SHC4: variants seen among roughly 807,000 people sequenced by gnomAD.
SHC4 encodes SHC adaptor protein 4, also known as SHC-transforming protein 4.
Under a neutral mutation model 69.4 loss-of-function variants are expected in SHC4, and 41 were observed. The ratio of observed to expected loss-of-function variants is 0.59; its 90% CI spans 0.46 to 0.77. The LOEUF is 0.77. Among genes scored for constraint, SHC4 ranks in the 30% least tolerant of loss-of-function variants. The pLI, the probability that SHC4 is intolerant of heterozygous loss-of-function variation, is 0.00. For missense variants in SHC4, 777 were observed against 783.8 expected (o/e 0.99, Z 0.10); for synonymous variants, 318 against 299.3 (o/e 1.06, Z -0.64).
intron 4 of SHC4, chr15:48,877,964 G>A: frequency 1.9e-6 from 1 of 523,856 alleles, no homozygotes; most frequent in Non-Finnish European, 3.3e-6. Context: ...TCGAATCGAT[G>A]GAAACGTAGC....
chr15:48,856,097 G>A lies in SHC4; in HGVS notation c.1098C>T (p.Ala366=), dbSNP rs370110466. 506 of 1,613,112 alleles carry A rather than the reference G, an allele frequency of 3.1e-4. 3 individuals carry two copies. The South Asian group carries it at 3.7e-3, about 12-fold the overall frequency. The part of the protein sequence containing the change: ...ESEEVHIDSH[A]EEREDHEYYN... ...AATATTCATGATCTTCTCTCTCCTCGGCATGGCTATCAATATGCACCTCCT... is the reference window on the plus strand; with the variant it reads ...AATATTCATGATCTTCTCTCTCCTCAGCATGGCTATCAATATGCACCTCCT... The change falls in exon 8 of 12, where the codon GCC becomes GCT. Residue 366 remains alanine, a synonymous_variant. Coordinates refer to ENST00000332408, the MANE Select transcript of SHC4 (RefSeq NM_203349.4).
chr15:48,877,964 G>T (rs1475386629), intron 4 of SHC4: 1 of 523,856 alleles, frequency 1.9e-6, no homozygotes, highest in Non-Finnish European at 3.3e-6. Context: ...TCGAATCGAT[G>T]GAAACGTAGC....
intron 4 of SHC4, chr15:48,878,523 A>G: frequency 6.2e-7 from 1 of 1,614,086 alleles, no homozygotes; most frequent in Admixed American, 1.7e-5. Context: ...GAAGAGGAGC[A>G]GCTCAGTGGT....
chr15:48,836,746 G>A (rs1898906672), intron 10 of SHC4, among the ~76,000 whole-genome samples: 1 of 152,136 alleles, frequency 6.6e-6, no homozygotes, highest in South Asian at 2.1e-4. Flanking sequence ...CCAGTGTGCT[G>A]TAGTCGTAAT....
At chr15:48,867,222 T>C (rs971880611) in intron 6 of SHC4, among the ~76,000 whole-genome samples, 2 of 152,208 alleles carry the variant, frequency 1.3e-5, no homozygotes, top group African/African-American at 4.8e-5. Flanking sequence ...GTGATTACTT[T>C]TGCACTAACC....
intron 6 of SHC4, among the ~76,000 whole-genome samples, chr15:48,866,900 C>T (rs911695909): frequency 1.3e-5 from 2 of 152,180 alleles, no homozygotes; most frequent in Admixed American, 6.5e-5. Flanking sequence ...AATGTCCCAG[C>T]GTTAGGGATG....
At chr15:48,864,073 G>C (rs556236029) in intron 6 of SHC4, among the ~76,000 whole-genome samples, 1 of 152,058 alleles carries the variant, frequency 6.6e-6, no homozygotes, top group South Asian at 2.1e-4. Flanking sequence ...TTATTAGATT[G>C]TTTGTTTATT....
intron 5 of SHC4, among the ~76,000 whole-genome samples, chr15:48,870,631 C>T (rs1030703799): frequency 5.3e-5 from 8 of 151,628 alleles, no homozygotes; most frequent in African/African-American, 1.9e-4. Flanking sequence ...GAGCCAAGAT[C>T]GTGCCACTGC....
intron 2 of SHC4, among the ~76,000 whole-genome samples, chr15:48,923,562 AAAAAAGAAAAAAG>A (rs1900790757): frequency 2.2e-5 from 3 of 139,298 alleles, no homozygotes; most frequent in African/African-American, 5.7e-5. Flanking sequence ...AAAAAAAAAC[AAAAAAGAAAAAAG>A]AAAAAGAAAA....
At chr15:48,867,465 A>G (rs1315580219) in intron 6 of SHC4, among the ~76,000 whole-genome samples, 1 of 152,116 alleles carries the variant, frequency 6.6e-6, no homozygotes, top group East Asian at 1.9e-4. Context: ...ACCAAAGCCA[A>G]TGCAGGCCAA....
chr15:48,881,578 G>A (rs1331870322), intron 4 of SHC4, among the ~76,000 whole-genome samples: 1 of 152,098 alleles, frequency 6.6e-6, no homozygotes, highest in Non-Finnish European at 1.5e-5. Flanking sequence ...TCCTTGTAGA[G>A]ACTAAAGGAT....
At chr15:48,891,849 T>TTTGTG in intron 2 of SHC4, among the ~76,000 whole-genome samples, 1 of 151,496 alleles carries the variant, frequency 6.6e-6, no homozygotes. Context: ...TTTGTTTTGT[T>TTTGTG]TTGTTTTGTT....
At chr15:48,838,674 G>A (rs1017231829) in intron 10 of SHC4, among the ~76,000 whole-genome samples, 34 of 152,232 alleles carry the variant, frequency 2.2e-4, no homozygotes, top group African/African-American at 7.7e-4. Flanking sequence ...TAGTAATTAA[G>A]ATGCTGGTTG....
chr15:48,833,018 C>A (rs1175232967), intron 11 of SHC4, among the ~76,000 whole-genome samples: 1 of 152,028 alleles, frequency 6.6e-6, no homozygotes, highest in Non-Finnish European at 1.5e-5. Flanking sequence ...AATTCATATG[C>A]CTCTGTTTCT....
chr15:48,862,300 T>C (rs2140987236), intron 6 of SHC4, among the ~76,000 whole-genome samples: 1 of 151,958 alleles, frequency 6.6e-6, no homozygotes, highest in Non-Finnish European at 1.5e-5. Context: ...TCAGGGAAAA[T>C]ATTAAAACAT....
intron 5 of SHC4, among the ~76,000 whole-genome samples, chr15:48,871,045 C>T (rs951302538): frequency 6.6e-6 from 1 of 152,126 alleles, no homozygotes; most frequent in Admixed American, 6.5e-5. Context: ...GGTTATTGTC[C>T]TATCATTTAT....
At chr15:48,834,169 A>T (rs914917109) in intron 11 of SHC4, among the ~76,000 whole-genome samples, 23 of 152,242 alleles carry the variant, frequency 1.5e-4, no homozygotes, top group African/African-American at 5.3e-4. Flanking sequence ...ATTCTTTGCT[A>T]CTGTCATTCA....
chr15:48,960,434 C>T (rs1566842680), intron 1 of SHC4, among the ~76,000 whole-genome samples: 1 of 152,110 alleles, frequency 6.6e-6, no homozygotes, highest in Admixed American at 6.5e-5. Flanking sequence ...GAGAATATGC[C>T]CATGAACTTT....
At chr15:48,854,972 T>C (rs778173422) in intron 8 of SHC4, among the ~76,000 whole-genome samples, 5 of 152,022 alleles carry the variant, frequency 3.3e-5, no homozygotes, top group African/African-American at 1.2e-4. Context: ...AAAATAAAAA[T>C]TGAATTTAGT....
Sources: allele counts gnomAD v4.1 joint callset (sites outside exome capture counted in the v4.1 genomes callset), GRCh38; gene constraint gnomAD v4.1.1; transcripts MANE v1.5; gene names NCBI Gene and HGNC (gene_info 2026-07-23, HGNC 2026-07-21).